JARID2: variants seen among roughly 807,000 people sequenced by gnomAD.
JARID2 encodes the protein protein Jumonji.
Under a neutral mutation model 125.6 loss-of-function variants are expected in JARID2, and 21 were observed. The ratio of observed to expected loss-of-function variants is 0.17; its 90% CI spans 0.12 to 0.24. The LOEUF (loss-of-function observed/expected upper bound fraction) is 0.24, where lower values mean the gene tolerates loss of function less well. Ranked by LOEUF, JARID2 falls within the 10% of genes least tolerant of loss-of-function variation. JARID2 has a pLI of 1.00. For synonymous variants in JARID2, 736 were observed against 661.6 expected (o/e 1.11, Z -1.73); for missense variants, 1,303 against 1,639.6 (o/e 0.79, Z 3.55).
intron 4 of JARID2, among the ~76,000 whole-genome samples, chr6:15,463,880 T>A (rs1313333120): frequency 1.3e-5 from 2 of 152,232 alleles, no homozygotes; most frequent in East Asian, 3.8e-4. Context: ...CTATCTGACT[T>A]GAGGGGTTTG....
chr6:15,281,048 A>G (rs1457552890), intron 1 of JARID2, among the ~76,000 whole-genome samples: 5 of 152,222 alleles, frequency 3.3e-5, no homozygotes, highest in African/African-American at 9.6e-5. Flanking sequence ...CATATGAGTG[A>G]TAACTGGGAG....
chr6:15,318,320 G>T (rs1483620251), intron 1 of JARID2, among the ~76,000 whole-genome samples: 1 of 152,234 alleles, frequency 6.6e-6, no homozygotes, highest in Non-Finnish European at 1.5e-5. Context: ...CAGCCAGCAT[G>T]TTAGATGTAG....
At chr6:15,512,414 G>A (rs772687484) in intron 14 of JARID2, 24 bp downstream of exon 14, 35 of 1,608,358 alleles carry the variant, frequency 2.2e-5, no homozygotes, top group Non-Finnish European at 2.8e-5. Flanking sequence ...GCCTCCTCCC[G>A]CTTGCTGCCC....
intron 4 of JARID2, among the ~76,000 whole-genome samples, chr6:15,456,153 C>T (rs1394320406): frequency 1.3e-5 from 2 of 152,074 alleles, no homozygotes; most frequent in Non-Finnish European, 1.5e-5. Context: ...GCTACATGTA[C>T]TTGTGCGTGC....
chr6:15,407,363 G>T (rs1277235036), intron 2 of JARID2, among the ~76,000 whole-genome samples: 1 of 152,140 alleles, frequency 6.6e-6, no homozygotes, highest in South Asian at 2.1e-4. Flanking sequence ...GGGGTGATTC[G>T]CATGCATGCT....
At chr6:15,413,023 G>GTTTTTTTTTTTTTTTTTTTTTTTTT (rs1349875486) in intron 3 of JARID2, among the ~76,000 whole-genome samples, 1 of 68,008 alleles carries the variant, frequency 1.5e-5, no homozygotes, top group Non-Finnish European at 2.6e-5. Context: ...TTTTTTTTTT[G>GTTTTTTTTTTTTTTTTTTTTTTTTT]TTTTTTTTTT....
intron 2 of JARID2, among the ~76,000 whole-genome samples, chr6:15,398,302 A>T (rs904639322): frequency 2.6e-5 from 4 of 152,202 alleles, no homozygotes; most frequent in Non-Finnish European, 4.4e-5. Flanking sequence ...TTCACTGTTG[A>T]AACTTAGATG....
rs900993770 is a variant in JARID2 at position 15,487,361 on chromosome 6, A to G, written c.725A>G (p.Lys242Arg). The G allele has an allele frequency of 1.9e-6, 3 of 1,614,080 alleles. No individual in the cohort carries two copies. Among genetic ancestry groups the G allele is most frequent in the African/African-American group, 1.3e-5 (1 of 74,922 alleles). ...GAGAAGGAACCTGTTCAAAAACACA[A>G]AAGCAAAGAGGCCACTCCCGCAAAG... ...TREKEPVQKHKSKEATPAKEK... is the reference protein window; with the variant it reads ...TREKEPVQKHRSKEATPAKEK... The change falls in exon 6 of 18, where the codon AAA becomes AGA. Residue 242 changes from lysine to arginine, a missense_variant. Lys to Arg is a conservative substitution (Grantham distance 26). Coordinates refer to ENST00000341776, the MANE Select transcript of JARID2 (RefSeq NM_004973.4).
At chr6:15,446,571 G>T (rs1402944017) in intron 3 of JARID2, among the ~76,000 whole-genome samples, 1 of 152,196 alleles carries the variant, frequency 6.6e-6, no homozygotes, top group Non-Finnish European at 1.5e-5. Flanking sequence ...GACCATTCCT[G>T]CAATCCCTAC....
intron 3 of JARID2, among the ~76,000 whole-genome samples, chr6:15,424,617 G>A (rs953472978): frequency 6.6e-6 from 1 of 152,096 alleles, no homozygotes; most frequent in Non-Finnish European, 1.5e-5. Flanking sequence ...CAGCACTTTG[G>A]GGGGCTGAGT....
Position 15,246,597 on chromosome 6 carries a change from A to G in JARID2, c.45+13A>G, listed in dbSNP as rs1441728470. 7 of 1,606,526 alleles carry G rather than the reference A, an allele frequency of 4.4e-6. No individual in the cohort carries two copies. The highest frequency in any genetic ancestry group is 6.0e-6 in the Non-Finnish European group (7 of 1,173,314). ...TCAGAAGAAATACGTAAGTGCTCCT[A>G]ACAACACATCCTTTGACTTGCAGTT... On this transcript the variant is annotated intron_variant, in intron 1 of 17. Coordinates refer to ENST00000341776, the MANE Select transcript of JARID2 (RefSeq NM_004973.4).
At chr6:15,444,585 A>G (rs1331023592) in intron 3 of JARID2, among the ~76,000 whole-genome samples, 2 of 151,480 alleles carry the variant, frequency 1.3e-5, no homozygotes, top group African/African-American at 4.9e-5. Context: ...TGGAGTGGGT[A>G]ATTATTTTGG....
intron 1 of JARID2, among the ~76,000 whole-genome samples, chr6:15,264,528 A>G (rs892889538): frequency 6.6e-6 from 1 of 152,076 alleles, no homozygotes; most frequent in South Asian, 2.1e-4. Flanking sequence ...CCTGACAGCT[A>G]TATTCAATAT....
chr6:15,284,355 CATTG>C (rs1481046549), intron 1 of JARID2, among the ~76,000 whole-genome samples: 2 of 152,136 alleles, frequency 1.3e-5, no homozygotes, highest in Admixed American at 6.5e-5. Context: ...TCTTGGCATA[CATTG>C]ATTGTTATGT....
rs1433043528 is a variant in JARID2 at position 15,387,651 on chromosome 6, GATTAA to G, written c.181+13406_181+13410del. On this transcript the variant is annotated intron_variant, in intron 2 of 17. Transcript: ENST00000341776. ...ACAATTTTATTCCAGTCTAACTGTA[GATTAA>G]ATTAAACTCCATGTTAATCTGCAGC... Among the ~76,000 whole-genome samples the G allele has an allele frequency of 3.9e-5, 6 of 152,274 alleles. No individual in the cohort carries two copies. The East Asian group carries it at 1.2e-3, about 29-fold the overall frequency.
chr6:15,492,352 C>T (rs1770192273), intron 6 of JARID2, among the ~76,000 whole-genome samples: 1 of 152,224 alleles, frequency 6.6e-6, no homozygotes, highest in South Asian at 2.1e-4. Context: ...CCTGTGTGTG[C>T]TCTTCTGTGG....
intron 1 of JARID2, among the ~76,000 whole-genome samples, chr6:15,301,285 T>C (rs541528519): frequency 7.9e-5 from 12 of 152,084 alleles, no homozygotes; most frequent in African/African-American, 2.9e-4. Flanking sequence ...GTGCCGAGAG[T>C]ATTAGCAGAC....
chr6:15,517,308 G>A, intron 17 of JARID2, 40 bp downstream of exon 17: 4 of 1,417,898 alleles, frequency 2.8e-6, no homozygotes, highest in South Asian at 1.1e-5. Flanking sequence ...GCGGCAGCGT[G>A]GCGCCTTCCC....
chr6:15,272,279 C>G (rs1255276969), intron 1 of JARID2, among the ~76,000 whole-genome samples: 6 of 152,258 alleles, frequency 3.9e-5, no homozygotes, highest in Non-Finnish European at 8.8e-5. Context: ...GGAAGGAAGA[C>G]AGCTAGCTAT....
Sources: gnomAD v4.1 joint callset for allele counts (sites outside exome capture counted in the v4.1 genomes callset) on GRCh38, gnomAD v4.1.1 for gene constraint, MANE v1.5 for transcripts, NCBI Gene and HGNC (gene_info 2026-07-23, HGNC 2026-07-21) for gene names.